OTOA: variants seen among roughly 807,000 people sequenced by gnomAD.
OTOA encodes the protein cancer/testis antigen 108.
In OTOA, 70 loss-of-function variants were observed where a neutral mutation model predicts 110.8. That is an observed-to-expected ratio of 0.63 (90% CI 0.52 to 0.77). OTOA has a LOEUF of 0.77. OTOA is among the 30% of genes least tolerant of loss of function. OTOA has a pLI of 0.00. For synonymous variants in OTOA, 373 were observed against 431.5 expected (o/e 0.86, Z 1.68); for missense variants, 917 against 1,075.8 (o/e 0.85, Z 2.06).
At chr16:21,671,586 CA>C (rs369010025) in intron 1 of OTOA, among the ~76,000 whole-genome samples, 89 of 78,454 alleles carry the variant, frequency 1.1e-3, no homozygotes, top group Middle Eastern at 0.013. Context: ...GACTCCATAT[CA>C]AAAAAAAAAA....
rs78387684 is a variant in OTOA at position 21,716,594 on chromosome 16, C to T, written c.1489-313C>T. ...TCAAAAAAAGAAAAAAACCCTAAAA[C>T]CTAAGGGGTTTGGCCTAAAACACCA... is the stretch of plus-strand genomic sequence containing the variant. On this transcript the variant is annotated intron_variant, in intron 14 of 28. Coordinates refer to ENST00000646100, the MANE Select transcript of OTOA (RefSeq NM_144672.4). Among the ~76,000 whole-genome samples, 1,418 of 152,082 alleles carry T rather than the reference C, an allele frequency of 9.3e-3. 12 individuals carry two copies. The highest frequency in any genetic ancestry group is 0.015 in the Non-Finnish European group (1,011 of 67,976).
rs1266663095 is a variant in OTOA, at chr16:21,709,937, A to G, written c.1154A>G (p.Glu385Gly). The G allele has an allele frequency of 6.2e-7, 1 of 1,613,982 alleles. No homozygotes were observed. The highest frequency in any genetic ancestry group is 2.2e-5 in the East Asian group (1 of 44,878). Residue 385 changes from glutamate to glycine, a missense_variant, in exon 13 of 29, where the codon GAG becomes GGG. Transcript: ENST00000646100. ...DIAMENQTLN[E>G]TLGSLSDAVV... ...GCCATGGAGAACCAGACCCTCAATGAGACCCTGGGTTCTTTGTCGGATGCA... is the reference window on the plus strand; with the variant it reads ...GCCATGGAGAACCAGACCCTCAATGGGACCCTGGGTTCTTTGTCGGATGCA...
intron 12 of OTOA, among the ~76,000 whole-genome samples, chr16:21,707,498 T>A (rs1898200699): frequency 6.6e-6 from 1 of 152,034 alleles, no homozygotes; most frequent in Admixed American, 6.6e-5. Flanking sequence ...GGGGATTGTT[T>A]CAGGATGATT....
intron 9 of OTOA, among the ~76,000 whole-genome samples, chr16:21,696,671 G>A (rs1897947003): frequency 6.6e-6 from 1 of 151,976 alleles, no homozygotes; most frequent in East Asian, 1.9e-4. Context: ...CCGGGCTCAA[G>A]AGATTCTCCT....
Position 21,687,027 on chromosome 16 carries a change from G to T in OTOA, c.400-386G>T, listed in dbSNP as rs1040515220. Among the ~76,000 whole-genome samples, 4 of 152,344 alleles carry T rather than the reference G, an allele frequency of 2.6e-5. No individual in the cohort carries two copies. In the East Asian group the frequency reaches 7.7e-4, roughly 29 times the overall value. The stretch of plus-strand genomic sequence containing the variant: ...AGAGTTTGGTTCAAGATGCCCTGGG[G>T]CCACATAAGGGAGGGAAATCTGATC... On this transcript the variant is annotated intron_variant, in intron 7 of 28. Transcript: ENST00000646100.
At chr16:21,717,559 A>G (rs981118014) in intron 15 of OTOA, among the ~76,000 whole-genome samples, 1 of 152,180 alleles carries the variant, frequency 6.6e-6, no homozygotes, top group Non-Finnish European at 1.5e-5. Context: ...GATAATTTTG[A>G]TAATAAAATG....
chr16:21,717,216 C>T (rs540857994), intron 15 of OTOA, among the ~76,000 whole-genome samples, 169 bp downstream of exon 15: 2 of 152,172 alleles, frequency 1.3e-5, no homozygotes, highest in Admixed American at 6.5e-5. Flanking sequence ...GCAGGAGGAT[C>T]GCTTGACGCC....
chr16:21,707,633 CTTTCTTTCTTTCTT>C (rs1310561271), intron 12 of OTOA, among the ~76,000 whole-genome samples: 3 of 106,930 alleles, frequency 2.8e-5, no homozygotes, highest in African/African-American at 9.0e-5. Flanking sequence ...TTCTTTCTTT[CTTTCTTTCTTTCTT>C]TCTTTCTTTC....
At chr16:21,758,285 A>T (rs1900058883) in intron 28 of OTOA, among the ~76,000 whole-genome samples, 1 of 151,642 alleles carries the variant, frequency 6.6e-6, no homozygotes, top group African/African-American at 2.4e-5. Flanking sequence ...GATGGGGAAC[A>T]GAGATGTTCC....
intron 8 of OTOA, among the ~76,000 whole-genome samples, chr16:21,689,929 G>A (rs1236964960): frequency 3.9e-5 from 6 of 152,002 alleles, no homozygotes; most frequent in Non-Finnish European, 8.8e-5. Flanking sequence ...CAGGTGATCC[G>A]CCTGCCTTGG....
intron 27 of OTOA, among the ~76,000 whole-genome samples, chr16:21,756,625 G>A (rs1282066821): frequency 1.3e-5 from 2 of 152,016 alleles, no homozygotes; most frequent in South Asian, 2.1e-4. Context: ...TTGCCACATA[G>A]GGAGGAAATC....
chr16:21,715,276 G>T, intron 14 of OTOA, 124 bp downstream of exon 14: 2 of 1,329,296 alleles, frequency 1.5e-6, no homozygotes, highest in East Asian at 2.3e-5. Flanking sequence ...TTGGTGTCTG[G>T]GGTGGCTCTG....
In OTOA at chr16:21,707,734, C is replaced by CTCTT. The variant is rs59241184; in HGVS notation, c.1105-2143_1105-2140dup. Among the ~76,000 whole-genome samples the CTCTT allele has an allele frequency of 3.4e-3, 443 of 129,684 alleles. 17 individuals are homozygous for CTCTT. Among genetic ancestry groups the CTCTT allele is most frequent in the African/African-American group, 0.012 (414 of 33,200 alleles). 85.1% of individuals were successfully genotyped at this position (129,684 alleles called of 152,430 possible). A position where few individuals can be genotyped will look rare whatever the true frequency, so the allele number is the denominator to read the frequency against. On this transcript the variant is annotated intron_variant, in intron 12 of 28. Transcript: ENST00000646100. ...TTCTTTCTTCTCTTTCTCACTCTCT[C>CTCTT]TCTTTCTTTCTTTCCTCCTTCCCTC...
chr16:21,678,207 C>T (rs1966864931), intron 1 of OTOA, among the ~76,000 whole-genome samples: 1 of 151,826 alleles, frequency 6.6e-6, no homozygotes, highest in Non-Finnish European at 1.5e-5. Context: ...TTTGACTATA[C>T]CTTTTTGCTG....
chr16:21,671,826 C>G, intron 1 of OTOA, among the ~76,000 whole-genome samples: 1 of 151,978 alleles, frequency 6.6e-6, no homozygotes, highest in Non-Finnish European at 1.5e-5. Context: ...GTGACAACCA[C>G]CACAATCAAG....
chr16:21,715,038 C>T lies in OTOA; in HGVS notation c.1374C>T (p.Ser458=). Residue 458 remains serine, a synonymous_variant, in exon 14 of 29, where the codon AGC becomes AGT. Transcript: ENST00000646100. The stretch of plus-strand genomic sequence containing the variant: ...TGGGCGCACTGCTGGCTGGGGTCAG[C>T]ACCCAGGCCTTCTGCAGCATGAAAC... The part of the protein sequence containing the change: ...SQMGALLAGV[S]TQAFCSMKRK... 1.9e-6 allele frequency: 3 copies of T among 1,614,222 alleles called. No homozygotes were observed. The highest frequency in any genetic ancestry group is 2.5e-6 in the Non-Finnish European group (3 of 1,180,026).
chr16:21,709,739 TC>T (rs1233541927), intron 12 of OTOA, 148 bp from the exon 13 acceptor site: 2 of 734,008 alleles, frequency 2.7e-6, no homozygotes, highest in African/African-American at 3.5e-5. Flanking sequence ...ATGGCAGGAG[TC>T]CCTTTCCTTC....
rs369416778 is a variant in OTOA at position 21,705,064 on chromosome 16, C to A, written c.981-105C>A. On this transcript the variant is annotated intron_variant, in intron 11 of 28. Coordinates refer to ENST00000646100, the MANE Select transcript of OTOA (RefSeq NM_144672.4). ...TTATGTGACCTTCAACCTGGGAGTC[C>A]GTGGCAACTGAAAAACAACTCACCA... 66 of 1,570,440 alleles carry A rather than the reference C, an allele frequency of 4.2e-5. No individual in the cohort carries two copies. In the Admixed American group the frequency reaches 7.7e-4, roughly 18 times the overall value.
At chr16:21,666,897 C>G (rs544658845) in intron 1 of OTOA, among the ~76,000 whole-genome samples, 2 of 152,214 alleles carry the variant, frequency 1.3e-5, no homozygotes, top group Middle Eastern at 3.4e-3. Flanking sequence ...CAGCAGAAAG[C>G]AAGGCGTCTG....
Sources: gnomAD v4.1 joint callset for allele counts (sites outside exome capture counted in the v4.1 genomes callset) on GRCh38, gnomAD v4.1.1 for gene constraint, MANE v1.5 for transcripts, NCBI Gene and HGNC (gene_info 2026-07-23, HGNC 2026-07-21) for gene names.